Variants in TMOD1 observed in about 807,000 individuals in gnomAD.
The protein encoded by TMOD1 is tropomodulin-1.
Under a neutral mutation model 40.6 loss-of-function variants are expected in TMOD1, and 17 were observed. The ratio of observed to expected loss-of-function variants is 0.42; its 90% CI spans 0.29 to 0.63. TMOD1 has a LOEUF of 0.63. TMOD1 is among the 20% of genes least tolerant of loss of function. The pLI is 0.22. For synonymous variants in TMOD1, 181 were observed against 175.0 expected (o/e 1.03, Z -0.27); for missense variants, 391 against 447.6 (o/e 0.87, Z 1.14).
intron 3 of TMOD1, among the ~76,000 whole-genome samples, chr9:97,548,284 G>A (rs185227609): frequency 1.3e-5 from 2 of 152,230 alleles, no homozygotes; most frequent in African/African-American, 2.4e-5. Context: ...AAATGAGTAC[G>A]CACATGGGGG....
intron 2 of TMOD1, among the ~76,000 whole-genome samples, chr9:97,545,158 G>A (rs575688646): frequency 3.3e-5 from 5 of 152,186 alleles, no homozygotes; most frequent in East Asian, 3.8e-4. Context: ...AGCACACAAC[G>A]ATTAGAAATG....
chr9:97,527,312 G>A (rs1830031429), intron 2 of TMOD1, among the ~76,000 whole-genome samples: 2 of 152,214 alleles, frequency 1.3e-5, no homozygotes, highest in African/African-American at 2.4e-5. Flanking sequence ...GTTACCTGCC[G>A]AGCACTGTGC....
In TMOD1 at chr9:97,521,725, A is replaced by G. The variant is rs537083041; in HGVS notation, c.-48-2416A>G. Reference sequence around the variant, plus strand: ...AGCTGAGCCATTCTGAGAGAAAAGGATGGCACTGAGGTTTCTGTATTTGGG... The same window carrying G: ...AGCTGAGCCATTCTGAGAGAAAAGGGTGGCACTGAGGTTTCTGTATTTGGG... On this transcript the variant is annotated intron_variant, in intron 1 of 9. Coordinates refer to ENST00000259365, the MANE Select transcript of TMOD1 (RefSeq NM_003275.4). Among the ~76,000 whole-genome samples, 6 of 152,298 alleles carry G rather than the reference A, an allele frequency of 3.9e-5. No homozygotes were observed. The South Asian group carries it at 1.2e-3, about 32-fold the overall frequency.
In TMOD1 at chr9:97,562,832, G is replaced by A. The variant is rs757635503; in HGVS notation, c.487+11G>A. 1.9e-5 allele frequency: 30 copies of A among 1,576,296 alleles called. No individual in the cohort carries two copies. The highest frequency in any genetic ancestry group is 1.7e-4 in the Middle Eastern group (1 of 5,998). On this transcript the variant is annotated intron_variant, in intron 5 of 9. Transcript: ENST00000259365. ...AGGAGGGGCTCAACAGTGAGTATGC[G>A]CCCGCCCCCAGGAGGGACCTCATGC...
chr9:97,540,525 G>A (rs1034074824), intron 2 of TMOD1, among the ~76,000 whole-genome samples: 2 of 152,184 alleles, frequency 1.3e-5, no homozygotes, highest in African/African-American at 2.4e-5. Context: ...CGTATGAGTT[G>A]GAGGCACACA....
At chr9:97,587,489 G>T (rs12380094) in intron 8 of TMOD1, among the ~76,000 whole-genome samples, 1 of 151,946 alleles carries the variant, frequency 6.6e-6, no homozygotes. Flanking sequence ...TGAACATCTT[G>T]TCATGTGATT....
At chr9:97,587,002 G>A (rs924822151) in intron 8 of TMOD1, among the ~76,000 whole-genome samples, 2 of 152,222 alleles carry the variant, frequency 1.3e-5, no homozygotes, top group African/African-American at 4.8e-5. Flanking sequence ...GACCGGAGCT[G>A]TTCCTATTCG....
chr9:97,570,829 A>T (rs1645060639), intron 8 of TMOD1, among the ~76,000 whole-genome samples: 1 of 152,206 alleles, frequency 6.6e-6, no homozygotes, highest in South Asian at 2.1e-4. Context: ...CCACTCTCCA[A>T]GCTGTGTGCC....
Position 97,546,196 on chromosome 9 carries a change from G to A in TMOD1, c.132G>A (p.Leu44=), listed in dbSNP as rs1484067367. The A allele has an allele frequency of 6.2e-7, 1 of 1,612,106 alleles. No individual in the cohort carries two copies. The highest frequency in any genetic ancestry group is 1.1e-5 in the South Asian group (1 of 90,900). Residue 44 remains leucine (L), a synonymous_variant, in exon 3 of 10, where the codon CTG becomes CTA. Transcript: ENST00000259365. ...AACCTCCAATGTAGAATGCACTGCT[G>A]CCTGCAGGCCTGAGGCAGAAGGATC... ...LDELDPDNAL[L]PAGLRQKDQT...
intron 9 of TMOD1, among the ~76,000 whole-genome samples, chr9:97,597,398 G>A (rs1458236299): frequency 6.6e-6 from 1 of 152,122 alleles, no homozygotes; most frequent in African/African-American, 2.4e-5. Context: ...TCCAGTCCCT[G>A]AAAAAGCCAG....
rs150443759 is a variant in TMOD1, at chr9:97,531,482, G to A, written c.120+7174G>A. Among the ~76,000 whole-genome samples, 709 of 152,188 alleles carry A rather than the reference G, an allele frequency of 4.7e-3. 3 individuals carry two copies. The highest frequency in any genetic ancestry group is 7.5e-3 in the Admixed American group (114 of 15,298). ...AAAAATTAGCTAGGCGTGGTGGTGC[G>A]CAACTGTAATCCCAGCTACTTGGGA... is the stretch of plus-strand genomic sequence containing the variant. On this transcript the variant is annotated intron_variant, in intron 2 of 9. Coordinates refer to ENST00000259365, the MANE Select transcript of TMOD1 (RefSeq NM_003275.4).
rs1563992704 is a variant in TMOD1, at chr9:97,565,830, T to C, written c.619-18T>C. 4 of 1,601,758 alleles carry C rather than the reference T, an allele frequency of 2.5e-6. No individual in the cohort carries two copies. The highest frequency in any genetic ancestry group is 3.4e-6 in the Non-Finnish European group (4 of 1,168,980). On this transcript the variant is annotated intron_variant, in intron 6 of 9. Coordinates refer to ENST00000259365, the MANE Select transcript of TMOD1 (RefSeq NM_003275.4). ...AGGAGGCTTCTGGTCACTCTCTCTG[T>C]TGCCTTTCTTTGTGCAGAATATCCC...
intron 2 of TMOD1, among the ~76,000 whole-genome samples, chr9:97,531,333 G>C (rs1051062989): frequency 6.6e-6 from 1 of 152,144 alleles, no homozygotes; most frequent in Non-Finnish European, 1.5e-5. Flanking sequence ...AGAACAGGCT[G>C]GGTGTGGTGG....
At chr9:97,548,294 G>A (rs1587935167) in intron 3 of TMOD1, among the ~76,000 whole-genome samples, 1 of 152,164 alleles carries the variant, frequency 6.6e-6, no homozygotes, top group South Asian at 2.1e-4. Flanking sequence ...GCACATGGGG[G>A]TAGACATTGT....
chr9:97,515,871 C>T (rs1829797112), intron 1 of TMOD1, among the ~76,000 whole-genome samples: 1 of 152,170 alleles, frequency 6.6e-6, no homozygotes, highest in Non-Finnish European at 1.5e-5. Flanking sequence ...CAGGTGACAA[C>T]ACGCCCCCGG....
intron 1 of TMOD1, among the ~76,000 whole-genome samples, chr9:97,504,911 T>A (rs1405082448): frequency 6.6e-6 from 1 of 152,148 alleles, no homozygotes; most frequent in Non-Finnish European, 1.5e-5. Context: ...ACCAGATAAA[T>A]CAATTATTGG....
chr9:97,503,697 T>C (rs573048941), intron 1 of TMOD1, among the ~76,000 whole-genome samples: 4 of 152,276 alleles, frequency 2.6e-5, no homozygotes, highest in African/African-American at 9.6e-5. Context: ...GTAGGGCGTT[T>C]TCTTGCAGCT....
intron 1 of TMOD1, among the ~76,000 whole-genome samples, chr9:97,510,090 A>G (rs950669850): frequency 3.9e-5 from 6 of 152,106 alleles, no homozygotes; most frequent in Non-Finnish European, 8.8e-5. Flanking sequence ...ATTAATTTTC[A>G]TATTGGTTTT....
rs540107824 is a variant in TMOD1 at position 97,525,354 on chromosome 9, A to G, written c.120+1046A>G. Among the ~76,000 whole-genome samples, 5 of 152,360 alleles carry G rather than the reference A, an allele frequency of 3.3e-5. No homozygotes were observed. The South Asian group carries it at 8.3e-4, about 25-fold the overall frequency. On this transcript the variant is annotated intron_variant, in intron 2 of 9. Transcript: ENST00000259365. ...GGAATAAGAGAGGGAAAAAGCAAAG[A>G]TATTTGCTACACACACACACACAAT...
Sources: gnomAD v4.1 joint callset for allele counts (sites outside exome capture counted in the v4.1 genomes callset) on GRCh38, gnomAD v4.1.1 for gene constraint, MANE v1.5 for transcripts, NCBI Gene and HGNC (gene_info 2026-07-23, HGNC 2026-07-21) for gene names.